Variants in KREMEN1 observed in about 807,000 individuals in gnomAD.
KREMEN1 encodes kremen protein 1.
Under a neutral mutation model 46.5 loss-of-function variants are expected in KREMEN1, and 30 were observed. That is an observed-to-expected ratio of 0.65 (90% CI 0.48 to 0.88). KREMEN1 has a LOEUF of 0.88. KREMEN1 is among the 40% of genes least tolerant of loss of function. The probability of loss-of-function intolerance (pLI) is 0.00; values close to 1 mark genes in which losing one functional copy is unlikely to be tolerated. For synonymous variants in KREMEN1, 214 were observed against 230.6 expected, an observed-to-expected ratio of 0.93 and a Z score of 0.65; for missense variants, 533 against 596.9, an observed-to-expected ratio of 0.89 and a Z score of 1.11.
rs1043467295 is a variant in KREMEN1, at chr22:29,151,951, C to T, written c.1416+9851C>T. Among the ~76,000 whole-genome samples the T allele has an allele frequency of 6.0e-5, 9 of 149,642 alleles. No individual in the cohort carries two copies. In the South Asian group the frequency reaches 6.3e-4, roughly 11 times the overall value. On this transcript the variant is annotated intron_variant, in intron 9 of 9. Coordinates refer to the KREMEN1 transcript ENST00000327813. Reference sequence around the variant, plus strand: ...CTTGAACCGGGGAGGTGGAGGTTGCCGTGAGCCGAGATTGTGCCATTGCAC... The same window carrying T: ...CTTGAACCGGGGAGGTGGAGGTTGCTGTGAGCCGAGATTGTGCCATTGCAC...
At chr22:29,165,015 A>C (rs2039041790) in intron 9 of KREMEN1, among the ~76,000 whole-genome samples, 1 of 151,964 alleles carries the variant, frequency 6.6e-6, no homozygotes, top group Admixed American at 6.6e-5. Flanking sequence ...CCTACTAAAA[A>C]TACAAAAATT....
At chr22:29,099,497 G>A (rs2037939413) in intron 3 of KREMEN1, 1 of 149,858 alleles carries the variant, frequency 6.7e-6, no homozygotes, top group Admixed American at 6.6e-5. Flanking sequence ...TTACTAAAAT[G>A]CCTGTTTTCT....
intron 3 of KREMEN1, among the ~76,000 whole-genome samples, chr22:29,104,456 A>T (rs1289737877): frequency 6.6e-6 from 1 of 151,554 alleles, no homozygotes; most frequent in East Asian, 2.0e-4. Context: ...ACACCCAGCC[A>T]ATTGTAATAA....
chr22:29,121,792 A>G (rs1348897909), intron 4 of KREMEN1, among the ~76,000 whole-genome samples: 2 of 152,242 alleles, frequency 1.3e-5, no homozygotes, highest in Non-Finnish European at 2.9e-5. Flanking sequence ...TATACCAATA[A>G]CCACTGAAAT....
intron 9 of KREMEN1, among the ~76,000 whole-genome samples, chr22:29,161,123 C>T (rs538949850): frequency 7.9e-5 from 12 of 152,228 alleles, no homozygotes; most frequent in East Asian, 1.9e-4. Context: ...AATCTAGAGG[C>T]AATAGATAAA....
chr22:29,090,081 G>T (rs2037784268), intron 1 of KREMEN1, among the ~76,000 whole-genome samples: 1 of 152,188 alleles, frequency 6.6e-6, no homozygotes, highest in Non-Finnish European at 1.5e-5. Context: ...GTTCATCTCT[G>T]TAGCCCCAGT....
downstream of KREMEN1, among the ~76,000 whole-genome samples, chr22:29,149,394 C>T (rs2038898277): frequency 6.6e-6 from 1 of 152,148 alleles, no homozygotes; most frequent in African/African-American, 2.4e-5. Flanking sequence ...ATCTCTTGAC[C>T]TGATGATCCG....
At chr22:29,094,543 T>A (rs2037851156) in intron 2 of KREMEN1, 123 bp downstream of exon 2, 2 of 698,574 alleles carry the variant, frequency 2.9e-6, no homozygotes, top group Non-Finnish European at 4.6e-6. Context: ...ACTTATCTTG[T>A]CAGTTTTAAA....
intron 5 of KREMEN1, among the ~76,000 whole-genome samples, chr22:29,131,865 C>CTTTTTTTTTTTTTTTTTTTTTTTTTT (rs71196633): frequency 2.2e-5 from 1 of 45,830 alleles, no homozygotes; most frequent in Non-Finnish European, 3.8e-5. Context: ...TAGAATAATG[C>CTTTTTTTTTTTTTTTTTTTTTTTTTT]TTTTTTTTTT....
At position 29,144,126 on chromosome 22, in the gene KREMEN1, T is replaced by A. The variant is rs2038815255; in HGVS notation, c.*2014T>A. The A allele has an allele frequency of 1.0e-6, 1 of 985,440 alleles. No homozygotes were observed. Among genetic ancestry groups the A allele is most frequent in the Admixed American group, 6.1e-5 (1 of 16,270 alleles). The allele number at this position is 985,440 out of a possible 1,614,324, so 61.0% of individuals were successfully genotyped here. A position where few individuals can be genotyped will look rare whatever the true frequency, so the allele number is the denominator to read the frequency against. On this transcript the variant is annotated 3_prime_UTR_variant, in exon 9 of 9. Coordinates refer to ENST00000400335, the MANE Select transcript of KREMEN1 (RefSeq NM_001039570.3). ...CAGAGCGTGCCTCTCCACAAGGCAC[T>A]TGGGCCTGGGTGATTGTTGCGCCTC...
chr22:29,148,294 A>G (rs988626036), downstream of KREMEN1, among the ~76,000 whole-genome samples: 7 of 152,096 alleles, frequency 4.6e-5, no homozygotes, highest in African/African-American at 1.7e-4. Flanking sequence ...TGGCATCCTC[A>G]GGGTGAGTGT....
At chr22:29,147,231 A>G (rs146069448), downstream of KREMEN1, among the ~76,000 whole-genome samples, 176 of 152,268 alleles carry the variant, frequency 1.2e-3, 1 homozygote, top group African/African-American at 4.2e-3. Context: ...AATGCCTCTA[A>G]AGTGCTTATG....
intron 9 of KREMEN1, among the ~76,000 whole-genome samples, chr22:29,157,035 C>T (rs1023301051): frequency 7.2e-5 from 11 of 152,200 alleles, no homozygotes; most frequent in Admixed American, 7.2e-4. Context: ...TAAAGATGGA[C>T]TGAACCCTTT....
Position 29,134,542 on chromosome 22 carries a change from A to C in KREMEN1, c.632-2800A>C, listed in dbSNP as rs114784761. 9.0e-3 allele frequency among the ~76,000 whole-genome samples: 1,365 copies of C among 152,238 alleles called. 14 individuals carry two copies. Among genetic ancestry groups the C allele is most frequent in the African/African-American group, 0.031 (1,302 of 41,528 alleles). ...GTCATCATTGAGTCTAGTTCTGTAG[A>C]TTGTTTTAACAATGTCTTTCCCCCC... On this transcript the variant is annotated intron_variant, in intron 5 of 8. Coordinates refer to ENST00000400335, the MANE Select transcript of KREMEN1 (RefSeq NM_001039570.3).
intron 9 of KREMEN1, chr22:29,166,998 G>C: frequency 7.0e-7 from 1 of 1,423,768 alleles, no homozygotes; most frequent in Non-Finnish European, 9.7e-7. Context: ...TCCGTGCCTA[G>C]GGCTGTACTT....
rs1489795159 is a variant in KREMEN1 at position 29,142,277 on chromosome 22, C to T, written c.*165C>T. On this transcript the variant is annotated 3_prime_UTR_variant, in exon 9 of 9. Coordinates refer to ENST00000400335, the MANE Select transcript of KREMEN1 (RefSeq NM_001039570.3). ...CAGACTAGGAAGAGGCACCCTGCTG[C>T]CAGGGCAGGCAGAGCCTGGATTCCT... 32 of 1,330,912 alleles carry T rather than the reference C, an allele frequency of 2.4e-5. No individual in the cohort carries two copies. Among genetic ancestry groups the T allele is most frequent in the Non-Finnish European group, 3.0e-5 (31 of 1,045,804 alleles). The allele number at this position is 1,330,912 out of a possible 1,614,324, so 82.4% of individuals were successfully genotyped here.
chr22:29,125,469 G>A (rs1232086082), intron 5 of KREMEN1, 53 bp downstream of exon 5: 8 of 1,588,332 alleles, frequency 5.0e-6, no homozygotes, highest in Non-Finnish European at 6.0e-6. Flanking sequence ...CCTTGGACCA[G>A]AGCAACAAGC....
At chr22:29,082,425 A>C (rs2037669127) in intron 1 of KREMEN1, among the ~76,000 whole-genome samples, 1 of 152,172 alleles carries the variant, frequency 6.6e-6, no homozygotes, top group Non-Finnish European at 1.5e-5. Flanking sequence ...CTTGATTTAC[A>C]TAAACTTGTA....
At chr22:29,131,486 A>C (rs1232072503) in intron 5 of KREMEN1, among the ~76,000 whole-genome samples, 2 of 137,294 alleles carry the variant, frequency 1.5e-5, no homozygotes, top group Non-Finnish European at 1.5e-5. Context: ...CCCTTCCCCA[A>C]CCCAACTCCT....
Sources: allele counts gnomAD v4.1 joint callset (sites outside exome capture counted in the v4.1 genomes callset), GRCh38; gene constraint gnomAD v4.1.1; transcripts MANE v1.5; gene names NCBI Gene and HGNC (gene_info 2026-07-23, HGNC 2026-07-21).